The following TEAD4 variants were observed in gnomAD, a reference collection of about 807,000 sequenced individuals.
TEAD4 encodes transcriptional enhancer factor TEF-3.
A neutral mutation model predicts 52.4 loss-of-function variants in TEAD4; 36 were observed. That is an observed-to-expected ratio of 0.69 (90% CI 0.53 to 0.91). The LOEUF is 0.91. TEAD4 is among the 40% of genes least tolerant of loss of function. The pLI is 0.00. For synonymous variants in TEAD4, 220 were observed against 231.0 expected, an observed-to-expected ratio of 0.95 and a Z score of 0.43; for missense variants, 508 against 583.9, an observed-to-expected ratio of 0.87 and a Z score of 1.34.
Position 2,997,805 on chromosome 12 carries a change from C to CGG in TEAD4, c.226+2822_226+2823dup, listed in dbSNP as rs61027088. ...CAAGGGCTTTGAGGACTTGCTTTTT[C>CGG]GGGGGGGGGGTGTGTGTGTGTTAAA... On this transcript the variant is annotated intron_variant, in intron 3 of 12. Transcript: ENST00000359864. Among the ~76,000 whole-genome samples, 357 of 121,246 alleles carry CGG rather than the reference C, an allele frequency of 2.9e-3. 6 individuals are homozygous for CGG. Among genetic ancestry groups the CGG allele is most frequent in the Middle Eastern group, 9.2e-3 (2 of 218 alleles). 79.5% of individuals were successfully genotyped at this position (121,246 alleles called of 152,430 possible).
chr12:2,963,127 A>G (rs1038163295), intron 2 of TEAD4, among the ~76,000 whole-genome samples: 4 of 151,954 alleles, frequency 2.6e-5, no homozygotes, highest in African/African-American at 9.7e-5. Context: ...GGTCTTTAAA[A>G]CACACCCTCC....
intron 8 of TEAD4, 61 bp downstream of exon 8, chr12:3,019,231 C>G (rs1472762242): frequency 8.8e-6 from 14 of 1,597,220 alleles, no homozygotes; most frequent in Non-Finnish European, 1.1e-5. Flanking sequence ...CCTCTGGGTC[C>G]AGGCCCCCGG....
intron 2 of TEAD4, among the ~76,000 whole-genome samples, chr12:2,982,084 G>T (rs1420630540): frequency 1.3e-5 from 2 of 152,190 alleles, no homozygotes; most frequent in Non-Finnish European, 2.9e-5. Flanking sequence ...TTGGCCTGGG[G>T]TCTGGTTCTG....
chr12:2,993,733 C>T (rs541199757), intron 2 of TEAD4, among the ~76,000 whole-genome samples: 2 of 152,306 alleles, frequency 1.3e-5, no homozygotes, highest in African/African-American at 4.8e-5. Context: ...CTGCCTCAGC[C>T]TCCCAAAGTG....
intron 10 of TEAD4, among the ~76,000 whole-genome samples, chr12:3,024,863 G>A (rs7311356): frequency 0.83 from 125,514 of 151,846 alleles, 52,711 homozygotes; most frequent in East Asian, 1. Flanking sequence ...ATTCAAAACT[G>A]TTAGATAATT....
intron 3 of TEAD4, among the ~76,000 whole-genome samples, chr12:3,005,601 A>G (rs762008511): frequency 7.2e-5 from 11 of 151,990 alleles, no homozygotes; most frequent in Non-Finnish European, 1.3e-4. Flanking sequence ...GGTTCAAGCC[A>G]TTCTCCTGCC....
At chr12:2,995,078 G>C in intron 3 of TEAD4, 86 bp downstream of exon 3, 2 of 1,506,798 alleles carry the variant, frequency 1.3e-6, no homozygotes, top group Non-Finnish European at 1.8e-6. Flanking sequence ...CCGGGCCACA[G>C]AAGGGGATGA....
chr12:3,040,443 G>C lies in TEAD4; in HGVS notation c.1270G>C (p.Ala424Pro). The C allele has an allele frequency of 1.2e-6, 2 of 1,614,118 alleles. No individual in the cohort carries two copies. Among genetic ancestry groups the C allele is most frequent in the Admixed American group, 3.3e-5 (2 of 60,010 alleles). The change falls in exon 13 of 13, where the codon GCT (alanine) becomes CCT (proline). Residue 424 changes from alanine to proline, a missense_variant. Ala to Pro is a conservative substitution (Grantham distance 27). Coordinates refer to ENST00000359864, the MANE Select transcript of TEAD4 (RefSeq NM_003213.4). ...TGAGGTGTCAGCCAGTGAGCACGGGGCTCAGCACCACATCTACAGGCTGGT... is the reference window on the plus strand; with the variant it reads ...TGAGGTGTCAGCCAGTGAGCACGGGCCTCAGCACCACATCTACAGGCTGGT...
chr12:3,013,205 G>T, intron 5 of TEAD4, among the ~76,000 whole-genome samples: 1 of 151,654 alleles, frequency 6.6e-6, no homozygotes, highest in East Asian at 1.9e-4. Context: ...TCCTGCCTTG[G>T]CCTCTCAAAG....
rs565824009 is a variant in TEAD4, at chr12:2,987,881, A to G, written c.-29-6857A>G. On this transcript the variant is annotated intron_variant, in intron 2 of 12. Coordinates refer to ENST00000359864, the MANE Select transcript of TEAD4 (RefSeq NM_003213.4). ...GGAGTTCAAGACCAGCCTGGCCAAC[A>G]TGGTGAAACCCTGTCTCTACTAAAA... is the stretch of plus-strand genomic sequence containing the variant. 7.3e-4 allele frequency among the ~76,000 whole-genome samples: 110 copies of G among 151,716 alleles called. 1 individual carries two copies. The South Asian group carries it at 0.019, about 26-fold the overall frequency.
At chr12:2,978,597 T>A (rs2098231721) in intron 2 of TEAD4, among the ~76,000 whole-genome samples, 1 of 152,004 alleles carries the variant, frequency 6.6e-6, no homozygotes, top group African/African-American at 2.4e-5. Flanking sequence ...TAGAGACAGG[T>A]TTCACCATGT....
intron 5 of TEAD4, among the ~76,000 whole-genome samples, chr12:3,014,602 G>A (rs144781838): frequency 1.5e-4 from 23 of 152,334 alleles, no homozygotes; most frequent in African/African-American, 4.6e-4. Flanking sequence ...CCCCGTGGCC[G>A]TGAGTGCTTG....
At chr12:3,010,509 C>T (rs1412260570) in intron 3 of TEAD4, among the ~76,000 whole-genome samples, 1 of 152,224 alleles carries the variant, frequency 6.6e-6, no homozygotes, top group East Asian at 1.9e-4. Context: ...CAGTTGCACC[C>T]CCCATGCCCG....
intron 3 of TEAD4, among the ~76,000 whole-genome samples, chr12:3,006,216 A>T (rs2098255824): frequency 6.6e-6 from 1 of 152,180 alleles, no homozygotes; most frequent in African/African-American, 2.4e-5. Flanking sequence ...ACTTTTTGAG[A>T]TGTGTGCCTC....
intron 2 of TEAD4, among the ~76,000 whole-genome samples, chr12:2,962,327 A>ATATATAAATATAT (rs2098216283): frequency 8.9e-6 from 1 of 112,774 alleles, no homozygotes; most frequent in East Asian, 2.6e-4. Flanking sequence ...TATATATATA[A>ATATATAAATATAT]ATATAAATAT....
intron 10 of TEAD4, among the ~76,000 whole-genome samples, chr12:3,026,637 C>A (rs2098272301): frequency 2.0e-5 from 3 of 152,180 alleles, no homozygotes; most frequent in Non-Finnish European, 4.4e-5. Flanking sequence ...GGGAAAGGTA[C>A]TTTTTTAGTT....
At chr12:2,972,718 C>G (rs538736978) in intron 2 of TEAD4, among the ~76,000 whole-genome samples, 3 of 152,100 alleles carry the variant, frequency 2.0e-5, no homozygotes, top group Admixed American at 6.5e-5. Flanking sequence ...TCAGGTTGGT[C>G]TCGAACTCCT....
chr12:3,008,204 A>T (rs1446271696), intron 3 of TEAD4, among the ~76,000 whole-genome samples: 1 of 152,112 alleles, frequency 6.6e-6, no homozygotes. Context: ...GGCGGGTAGG[A>T]GTATGATTTC....
At chr12:3,019,534 G>T (rs2098267145) in intron 8 of TEAD4, among the ~76,000 whole-genome samples, 1 of 152,198 alleles carries the variant, frequency 6.6e-6, no homozygotes, top group African/African-American at 2.4e-5. Context: ...GGGCCGAGGG[G>T]TGTCTAGCTC....
Sources: allele counts gnomAD v4.1 joint callset (sites outside exome capture counted in the v4.1 genomes callset), GRCh38; gene constraint gnomAD v4.1.1; transcripts MANE v1.5; gene names NCBI Gene and HGNC (gene_info 2026-07-23, HGNC 2026-07-21).